Variants in PREPL observed in about 807,000 individuals in gnomAD.
PREPL encodes the protein prolyl endopeptidase like.
A neutral mutation model predicts 70.6 loss-of-function variants in PREPL; 77 were observed. The ratio of observed to expected loss-of-function variants is 1.09; its 90% CI spans 0.91 to 1.32. The LOEUF (loss-of-function observed/expected upper bound fraction) is 1.32. PREPL is among the 40% of genes most tolerant of loss of function. The pLI, the probability that PREPL is intolerant of heterozygous loss-of-function variation, is 0.00. For missense variants in PREPL, 1,002 were observed against 778.2 expected (o/e 1.29, Z -3.42); for synonymous variants, 315 against 264.8 (o/e 1.19, Z -1.84).
chr2:44,320,609 T>C lies in PREPL; in HGVS notation c.*747A>G. On this transcript the variant is annotated 3_prime_UTR_variant, in exon 14 of 14. Coordinates refer to ENST00000409411, the MANE Select transcript of PREPL (RefSeq NM_001171613.2). ...TTTCCAATCGAGCATGCTATTCCAG[T>C]GTACTGAACATACTGTATACCTCGT... is the stretch of plus-strand genomic sequence containing the variant. 2 of 1,613,998 alleles carry C rather than the reference T, an allele frequency of 1.2e-6. No homozygotes were observed. The highest frequency in any genetic ancestry group is 1.1e-5 in the South Asian group (1 of 91,074).
chr2:44,347,330 C>G (rs542663513), intron 1 of PREPL: 1 of 151,886 alleles, frequency 6.6e-6, no homozygotes, highest in Non-Finnish European at 1.5e-5. Context: ...GACCCTGTCT[C>G]AACAACAACA....
intron 1 of PREPL, among the ~76,000 whole-genome samples, chr2:44,354,692 A>C (rs1676823723): frequency 6.6e-6 from 1 of 151,838 alleles, no homozygotes; most frequent in African/African-American, 2.4e-5. Context: ...CTCCTTCCTC[A>C]GCGTCCCGAG....
Position 44,322,856 on chromosome 2 carries a change from TG to T in PREPL, c.1630-3del, listed in dbSNP as rs1406333731. On this transcript the variant is annotated splice_region_variant and splice_polypyrimidine_tract_variant and intron_variant, in intron 11 of 13. Transcript: ENST00000409411. ...CGTTATGTGAATTGAAGGATAATGC[TG>T]AAAGAAAATACATGCACGAAGAGTT... The T allele has an allele frequency of 5.0e-6, 8 of 1,612,882 alleles. No individual in the cohort carries two copies. The East Asian group carries it at 1.1e-4, about 22-fold the overall frequency.
chr2:44,359,861 T>C (rs1297019373), intron 1 of PREPL: 5 of 601,110 alleles, frequency 8.3e-6, no homozygotes, highest in Non-Finnish European at 1.2e-5. Flanking sequence ...CCCACTTAGG[T>C]TATGAATAAC....
intron 2 of PREPL, among the ~76,000 whole-genome samples, chr2:44,345,222 T>C (rs1675666152): frequency 6.6e-6 from 1 of 152,228 alleles, no homozygotes; most frequent in Non-Finnish European, 1.5e-5. Context: ...CTTACGTTTA[T>C]TATCTGTTAG....
chr2:44,327,028 C>G, intron 9 of PREPL, 100 bp from the exon 10 acceptor site: 1 of 999,990 alleles, frequency 1.0e-6, no homozygotes, highest in Non-Finnish European at 1.5e-6. Context: ...TTGTGTGGCC[C>G]TGGAGCTAAG....
chr2:44,338,576 C>A, intron 6 of PREPL, 40 bp from the exon 7 acceptor site: 1 of 1,502,694 alleles, frequency 6.7e-7, no homozygotes, highest in Non-Finnish European at 9.0e-7. Context: ...GGTAAGAAAA[C>A]ACGAAGGCTG....
At chr2:44,321,554 T>G in intron 13 of PREPL, 109 bp from the exon 14 acceptor site, 1 of 1,511,782 alleles carries the variant, frequency 6.6e-7, no homozygotes, top group Non-Finnish European at 8.8e-7. Context: ...AGTCAGCAAT[T>G]TATGGCAAGA....
At chr2:44,354,320 T>C (rs562141720) in intron 1 of PREPL, among the ~76,000 whole-genome samples, 73 of 152,372 alleles carry the variant, frequency 4.8e-4, no homozygotes, top group African/African-American at 1.6e-3. Context: ...TTATCTACAA[T>C]GTGGCAGTCG....
At chr2:44,359,722 A>G in intron 1 of PREPL, 2 of 1,584,766 alleles carry the variant, frequency 1.3e-6, no homozygotes, top group Non-Finnish European at 1.7e-6. Context: ...GCATGATATC[A>G]AAGTCCCTGG....
chr2:44,337,302 C>A (rs1429314738), intron 7 of PREPL, among the ~76,000 whole-genome samples: 1 of 152,174 alleles, frequency 6.6e-6, no homozygotes, highest in East Asian at 1.9e-4. Flanking sequence ...CCTGGGCCTT[C>A]TTCTCTAGTT....
At chr2:44,342,982 C>A (rs1477233474) in intron 4 of PREPL, among the ~76,000 whole-genome samples, 1 of 152,296 alleles carries the variant, frequency 6.6e-6, no homozygotes, top group East Asian at 1.9e-4. Context: ...AACTACCAAA[C>A]ACAATTTAAT....
chr2:44,346,023 G>A (rs1675776802), intron 2 of PREPL, among the ~76,000 whole-genome samples: 1 of 151,850 alleles, frequency 6.6e-6, no homozygotes, highest in African/African-American at 2.4e-5. Context: ...GCAAAAACCA[G>A]AATTAATATA....
At position 44,339,367 on chromosome 2, in the gene PREPL, G is replaced by T; in HGVS notation, c.486-4C>A. The T allele has an allele frequency of 9.4e-7, 1 of 1,061,622 alleles. No individual in the cohort carries two copies. The allele number at this position is 1,061,622 out of a possible 1,614,324, so 65.8% of individuals were successfully genotyped here. A position where few individuals can be genotyped will look rare whatever the true frequency, so the allele number is the denominator to read the frequency against. ...AAGATAAAGGAAAACAAAGTAGCTA[G>T]AGAGAGAGAGAGAGACATGAGATCA... On this transcript the variant is annotated splice_region_variant and splice_polypyrimidine_tract_variant and intron_variant, in intron 5 of 13. Coordinates refer to ENST00000409411, the MANE Select transcript of PREPL (RefSeq NM_001171613.2).
intron 8 of PREPL, among the ~76,000 whole-genome samples, chr2:44,329,803 G>C (rs77873426): frequency 6.6e-6 from 1 of 152,130 alleles, no homozygotes; most frequent in Non-Finnish European, 1.5e-5. Context: ...AAACTCATCA[G>C]TTCCAGTTGA....
chr2:44,324,786 C>G (rs566805392), intron 10 of PREPL, among the ~76,000 whole-genome samples: 8 of 152,082 alleles, frequency 5.3e-5, no homozygotes, highest in Non-Finnish European at 1.0e-4. Context: ...ACTCAGGAGG[C>G]TGAGGTGGGA....
intron 1 of PREPL, among the ~76,000 whole-genome samples, chr2:44,357,149 T>C (rs1278463339): frequency 6.6e-6 from 1 of 152,246 alleles, no homozygotes; most frequent in East Asian, 1.9e-4. Context: ...GGAGTCCTGA[T>C]TAGTTCAGTC....
chr2:44,320,915 T>C lies in PREPL; in HGVS notation c.*441A>G, dbSNP rs538703873. 1.1e-5 allele frequency: 5 copies of C among 450,548 alleles called. No individual in the cohort carries two copies. The highest frequency in any genetic ancestry group is 7.6e-5 in the Admixed American group (2 of 26,398). The allele number at this position is 450,548 out of a possible 1,614,324, so 27.9% of individuals were successfully genotyped here. Reference sequence around the variant, plus strand: ...AGGACCCCAGATTATTCAAAAACTTTAACGAATTTTAAGGGGAAGAATTTT... The same window carrying C: ...AGGACCCCAGATTATTCAAAAACTTCAACGAATTTTAAGGGGAAGAATTTT... On this transcript the variant is annotated 3_prime_UTR_variant, in exon 14 of 14. Coordinates refer to ENST00000409411, the MANE Select transcript of PREPL (RefSeq NM_001171613.2).
At position 44,317,692 on chromosome 2, in the gene PREPL, AAT is replaced by A. The variant is rs1672540090; in HGVS notation, c.*3662_*3663del. The A allele has an allele frequency of 6.6e-6, 1 of 152,442 alleles. No individual in the cohort carries two copies. The highest frequency in any genetic ancestry group is 1.5e-5 in the Non-Finnish European group (1 of 68,254). 9.4% of individuals were successfully genotyped at this position (152,442 alleles called of 1,614,324 possible). A position where few individuals can be genotyped will look rare whatever the true frequency, so the allele number is the denominator to read the frequency against. On this transcript the variant is annotated 3_prime_UTR_variant, in exon 14 of 14. Coordinates refer to ENST00000409411, the MANE Select transcript of PREPL (RefSeq NM_001171613.2). Reference sequence around the variant, plus strand: ...TATTTTCAAAGAACACTAGACATAAAATATAACAATTTTCAAATTTTCAAAGA... The same window carrying A: ...TATTTTCAAAGAACACTAGACATAAAATAACAATTTTCAAATTTTCAAAGA...
Sources: gnomAD v4.1 joint callset for allele counts (sites outside exome capture counted in the v4.1 genomes callset) on GRCh38, gnomAD v4.1.1 for gene constraint, MANE v1.5 for transcripts, NCBI Gene and HGNC (gene_info 2026-07-23, HGNC 2026-07-21) for gene names.